The following CLEC16A variants were observed in gnomAD, a reference collection of about 807,000 sequenced individuals.
The protein encoded by CLEC16A is protein CLEC16A.
Under a neutral mutation model 109.5 loss-of-function variants are expected in CLEC16A, and 51 were observed. The ratio of observed to expected loss-of-function variants is 0.47; its 90% CI spans 0.37 to 0.59. The LOEUF (loss-of-function observed/expected upper bound fraction) is 0.59. CLEC16A is among the 20% of genes least tolerant of loss of function. CLEC16A has a pLI of 0.00. For missense variants in CLEC16A, 1,339 were observed against 1,394.0 expected (o/e 0.96, Z 0.63); for synonymous variants, 673 against 564.2 (o/e 1.19, Z -2.73).
chr16:11,127,971 G>A (rs1015712091), intron 22 of CLEC16A, among the ~76,000 whole-genome samples: 1 of 152,218 alleles, frequency 6.6e-6, no homozygotes, highest in African/African-American at 2.4e-5. Context: ...TCAGGGTCAG[G>A]AGGATTCTTT....
At chr16:10,973,162 A>G in intron 7 of CLEC16A, 101 bp downstream of exon 7, 3 of 1,334,928 alleles carry the variant, frequency 2.2e-6, no homozygotes, top group South Asian at 2.9e-5. Flanking sequence ...GCACTTCCCT[A>G]CCTCTGTGTA....
intron 19 of CLEC16A, among the ~76,000 whole-genome samples, chr16:11,087,922 C>G (rs77993009): frequency 6.6e-6 from 1 of 152,250 alleles, no homozygotes; most frequent in Non-Finnish European, 1.5e-5. Context: ...AGAGCTCCCC[C>G]GCTGTGCAGC....
intron 19 of CLEC16A, among the ~76,000 whole-genome samples, chr16:11,112,355 A>G (rs536186980): frequency 6.6e-6 from 1 of 152,146 alleles, no homozygotes; most frequent in Non-Finnish European, 1.5e-5. Context: ...GATAAGTTTA[A>G]TATTTTCAAA....
At chr16:11,005,235 G>T (rs1292365378) in intron 11 of CLEC16A, among the ~76,000 whole-genome samples, 2 of 152,200 alleles carry the variant, frequency 1.3e-5, no homozygotes, top group Non-Finnish European at 2.9e-5. Flanking sequence ...TGGCACACAG[G>T]GGCTTCAGGC....
intron 13 of CLEC16A, chr16:11,026,938 C>A (rs117054163): frequency 2.6e-6 from 3 of 1,152,080 alleles, no homozygotes; most frequent in African/African-American, 3.0e-5. Flanking sequence ...CTAGAACAGA[C>A]GTCTCTATGG....
intron 22 of CLEC16A, among the ~76,000 whole-genome samples, chr16:11,131,112 G>T (rs2053177560): frequency 6.6e-6 from 1 of 152,154 alleles, no homozygotes; most frequent in Non-Finnish European, 1.5e-5. Flanking sequence ...CTTCACGAGG[G>T]ATTGTGCGTG....
intron 22 of CLEC16A, among the ~76,000 whole-genome samples, chr16:11,129,299 A>G (rs2053036409): frequency 6.6e-6 from 1 of 152,274 alleles, no homozygotes; most frequent in Non-Finnish European, 1.5e-5. Flanking sequence ...CCCATTGCAT[A>G]TATGCATAAC....
chr16:11,027,163 T>G (rs1327030379), intron 13 of CLEC16A: 1 of 1,424,392 alleles, frequency 7.0e-7, no homozygotes, highest in Non-Finnish European at 9.8e-7. Context: ...GGAAAAGGGC[T>G]CAGGTTTAAG....
Position 11,103,702 on chromosome 16 carries a change from G to A in CLEC16A, c.2117-16913G>A, listed in dbSNP as rs116029371. On this transcript the variant is annotated intron_variant, in intron 19 of 23. Coordinates refer to ENST00000409790, the MANE Select transcript of CLEC16A (RefSeq NM_015226.3). ...CCCCTGCTGTGGCTCTTGTCCCATG[G>A]CATGTAATTGTCACTTCTTTGGGCT... Among the ~76,000 whole-genome samples the A allele has an allele frequency of 1.2e-3, 179 of 152,146 alleles. 5 individuals carry two copies. The East Asian group carries it at 0.032, about 28-fold the overall frequency.
At chr16:11,101,719 T>C (rs1226299918) in intron 19 of CLEC16A, among the ~76,000 whole-genome samples, 2 of 152,236 alleles carry the variant, frequency 1.3e-5, no homozygotes, top group African/African-American at 4.8e-5. Context: ...AAAAGTTTCT[T>C]GAATGAATGG....
intron 19 of CLEC16A, among the ~76,000 whole-genome samples, chr16:11,106,585 A>G (rs141607102): frequency 2.2e-3 from 330 of 151,804 alleles, no homozygotes; most frequent in Non-Finnish European, 3.7e-3. Context: ...TCCTGGCCTC[A>G]AGCAATCCTC....
intron 12 of CLEC16A, 135 bp downstream of exon 12, chr16:11,020,460 T>C (rs1023661350): frequency 3.4e-5 from 40 of 1,167,380 alleles, no homozygotes; most frequent in Non-Finnish European, 4.5e-5. Context: ...TTTCCCTGCT[T>C]CTCCAGCTCT....
chr16:11,122,491 C>T (rs1450478754), intron 20 of CLEC16A, among the ~76,000 whole-genome samples: 2 of 151,540 alleles, frequency 1.3e-5, no homozygotes, highest in Non-Finnish European at 2.9e-5. Context: ...TTTTTTTTGG[C>T]CGTCTTCCAA....
At chr16:11,085,086 T>TC (rs2049937639) in intron 19 of CLEC16A, among the ~76,000 whole-genome samples, 2 of 152,078 alleles carry the variant, frequency 1.3e-5, no homozygotes, top group Non-Finnish European at 2.9e-5. Flanking sequence ...AAGCCCCTCT[T>TC]CCCCAGGAGC....
Position 10,982,926 on chromosome 16 carries a change from G to A in CLEC16A, c.1006G>A (p.Val336Ile). Residue 336 changes from valine (V) to isoleucine (I), a missense_variant, in exon 10 of 24, where the codon GTC becomes ATC. Around this residue, in one of 3 missense-constraint regions of CLEC16A, gnomAD observed 1,061 missense variants for 1,006.8 expected, o/e 1.05. Transcript: ENST00000409790. Reference protein sequence around the residue: ...HAPLVNSLAEVILNGDLSEMY... With the variant: ...HAPLVNSLAEIILNGDLSEMY... ...ACCGCTGGTGAACTCGTTAGCTGAA[G>A]TCATTCTGAATGGTGATCTGTCTGA... The A allele has an allele frequency of 6.2e-7, 1 of 1,613,414 alleles. No individual in the cohort carries two copies. The highest frequency in any genetic ancestry group is 8.5e-7 in the Non-Finnish European group (1 of 1,179,358).
At chr16:11,065,925 C>T (rs1362095455) in intron 19 of CLEC16A, among the ~76,000 whole-genome samples, 1 of 152,196 alleles carries the variant, frequency 6.6e-6, no homozygotes, top group Middle Eastern at 3.2e-3. Context: ...GGCTTTCTCA[C>T]AGGGACATCT....
At chr16:11,113,524 T>A (rs1348736936) in intron 19 of CLEC16A, among the ~76,000 whole-genome samples, 18 of 152,126 alleles carry the variant, frequency 1.2e-4, no homozygotes, top group Non-Finnish European at 2.6e-4. Context: ...TGGGCATGGA[T>A]GGTGCATGCC....
At chr16:10,985,249 G>C (rs1225931650) in intron 10 of CLEC16A, among the ~76,000 whole-genome samples, 1 of 146,132 alleles carries the variant, frequency 6.8e-6, no homozygotes, top group Non-Finnish European at 1.5e-5. Flanking sequence ...TGCCCATCAA[G>C]TGCCTGCTGG....
chr16:11,123,334 T>G (rs117950761), intron 20 of CLEC16A, among the ~76,000 whole-genome samples: 1 of 152,226 alleles, frequency 6.6e-6, no homozygotes, highest in East Asian at 1.9e-4. Context: ...AGCAACTATA[T>G]CTGAGATCAT....
Sources: gnomAD v4.1 joint callset for allele counts (sites outside exome capture counted in the v4.1 genomes callset) on GRCh38, gnomAD v4.1.1 for gene constraint, gnomAD v4.1.1 regional missense constraint, MANE v1.5 for transcripts, NCBI Gene and HGNC (gene_info 2026-07-23, HGNC 2026-07-21) for gene names.